LRRC4C: variants seen among roughly 807,000 people sequenced by gnomAD.
LRRC4C encodes leucine rich repeat containing 4C, also known as leucine-rich repeat-containing protein 4C.
Under a neutral mutation model 33.6 loss-of-function variants are expected in LRRC4C, and 5 were observed. The observed-to-expected ratio is 0.15, with a 90% CI of 0.08 to 0.31. LRRC4C has a LOEUF of 0.31. Ranked by LOEUF, LRRC4C falls within the 10% of genes least tolerant of loss-of-function variation. The pLI is 1.00. For synonymous variants in LRRC4C, 329 were observed against 302.0 expected (o/e 1.09, Z -0.93); for missense variants, 560 against 796.7 (o/e 0.70, Z 3.58).
At chr11:41,448,168 A>G (rs1207705866) in intron 1 of LRRC4C, among the ~76,000 whole-genome samples, 1 of 92,244 alleles carries the variant, frequency 1.1e-5, no homozygotes, top group Non-Finnish European at 2.4e-5. Context: ...CAGTGTCCAC[A>G]GTATTTCTGC....
intron 3 of LRRC4C, among the ~76,000 whole-genome samples, chr11:40,474,882 C>T (rs897457167): frequency 7.6e-5 from 10 of 131,186 alleles, no homozygotes; most frequent in South Asian, 2.5e-4. Context: ...TAGATAAATG[C>T]AAATCAAAAC....
intron 1 of LRRC4C, among the ~76,000 whole-genome samples, chr11:41,025,805 T>C (rs1372285686): frequency 6.6e-6 from 1 of 151,638 alleles, no homozygotes; most frequent in Non-Finnish European, 1.5e-5. Context: ...AAAAAGACAA[T>C]GTCTAGTTTC....
At chr11:40,773,058 A>G (rs1430658033) in intron 2 of LRRC4C, among the ~76,000 whole-genome samples, 1 of 152,194 alleles carries the variant, frequency 6.6e-6, no homozygotes, top group Non-Finnish European at 1.5e-5. Context: ...AATAACTTGG[A>G]TAGAACTGGA....
At position 40,559,360 on chromosome 11, in the gene LRRC4C, C is replaced by A. The variant is rs144264572; in HGVS notation, c.-270+88782G>T. 3.3e-3 allele frequency among the ~76,000 whole-genome samples: 496 copies of A among 151,898 alleles called. 1 individual carries two copies. Among genetic ancestry groups the A allele is most frequent in the Non-Finnish European group, 5.6e-3 (383 of 67,906 alleles). On this transcript the variant is annotated intron_variant, in intron 3 of 6. Transcript: ENST00000528697. ...CACCTCACCTGGCTAATTTTTTGTA[C>A]TTTTGGTAGAGACGGGGTTTTGCCA...
chr11:41,144,489 A>T (rs2135929412), intron 1 of LRRC4C, among the ~76,000 whole-genome samples: 1 of 152,302 alleles, frequency 6.6e-6, no homozygotes, highest in South Asian at 2.1e-4. Flanking sequence ...CTATCCCTAC[A>T]TCCCATGGAT....
chr11:41,352,893 A>C (rs1799728234), intron 1 of LRRC4C, among the ~76,000 whole-genome samples: 1 of 152,110 alleles, frequency 6.6e-6, no homozygotes, highest in African/African-American at 2.4e-5. Context: ...GAAAGTTTAT[A>C]GTGCTAAACT....
intron 2 of LRRC4C, among the ~76,000 whole-genome samples, chr11:40,772,825 T>C (rs11036070): frequency 0.05 from 7,627 of 152,230 alleles, 255 homozygotes; most frequent in African/African-American, 0.09. Flanking sequence ...AGTATTACCA[T>C]ATGATTCAGC....
intron 5 of LRRC4C, among the ~76,000 whole-genome samples, chr11:40,161,767 TA>T (rs1859178969): frequency 6.6e-6 from 1 of 151,994 alleles, no homozygotes; most frequent in Non-Finnish European, 1.5e-5. Context: ...CGAAAAAAAT[TA>T]AAAAGAAAAT....
At chr11:40,147,989 G>A (rs1857884576) in intron 5 of LRRC4C, among the ~76,000 whole-genome samples, 1 of 152,072 alleles carries the variant, frequency 6.6e-6, no homozygotes, top group Non-Finnish European at 1.5e-5. Flanking sequence ...GTAAGAACAT[G>A]CAATATTTGG....
At chr11:40,909,975 C>T (rs915737590) in intron 2 of LRRC4C, among the ~76,000 whole-genome samples, 2 of 152,042 alleles carry the variant, frequency 1.3e-5, no homozygotes, top group Admixed American at 1.3e-4. Context: ...TTTGTGCATT[C>T]CCTATTTTTC....
intron 1 of LRRC4C, among the ~76,000 whole-genome samples, chr11:41,317,820 A>G (rs1318153033): frequency 6.6e-6 from 1 of 152,138 alleles, no homozygotes; most frequent in East Asian, 1.9e-4. Context: ...ATGGTCATCT[A>G]TTGAAAGCTT....
chr11:40,262,590 C>T (rs1941936288), intron 4 of LRRC4C, among the ~76,000 whole-genome samples: 1 of 152,128 alleles, frequency 6.6e-6, no homozygotes, highest in Non-Finnish European at 1.5e-5. Context: ...CCAAAATGCC[C>T]ATCAATGATA....
intron 3 of LRRC4C, among the ~76,000 whole-genome samples, chr11:40,468,965 G>T (rs1033684314): frequency 1.7e-4 from 26 of 152,150 alleles, no homozygotes; most frequent in African/African-American, 6.3e-4. Context: ...TAAAGTATCT[G>T]TAAAATCTGT....
intron 1 of LRRC4C, among the ~76,000 whole-genome samples, chr11:41,280,471 A>T (rs1232492051): frequency 6.6e-6 from 1 of 152,222 alleles, no homozygotes; most frequent in African/African-American, 2.4e-5. Flanking sequence ...TGGCATTAAT[A>T]ATATAGTCAC....
chr11:41,067,052 A>T (rs1949445624), intron 1 of LRRC4C, among the ~76,000 whole-genome samples: 1 of 152,206 alleles, frequency 6.6e-6, no homozygotes, highest in East Asian at 1.9e-4. Context: ...ACAGGATCAA[A>T]TTCACACATA....
At chr11:41,127,275 T>C (rs1942788662) in intron 1 of LRRC4C, among the ~76,000 whole-genome samples, 1 of 151,648 alleles carries the variant, frequency 6.6e-6, no homozygotes, top group South Asian at 2.1e-4. Flanking sequence ...TTTTTAATTT[T>C]AGTATTGAAT....
chr11:41,197,772 A>G (rs1255594024), intron 1 of LRRC4C, among the ~76,000 whole-genome samples: 1 of 151,974 alleles, frequency 6.6e-6, no homozygotes, highest in East Asian at 1.9e-4. Context: ...AGGAAATAAC[A>G]TTGTCATTTT....
intron 1 of LRRC4C, among the ~76,000 whole-genome samples, chr11:41,215,155 A>C (rs1289428644): frequency 6.6e-6 from 1 of 151,442 alleles, no homozygotes; most frequent in Non-Finnish European, 1.5e-5. Flanking sequence ...ATAATCACCC[A>C]TATCTAATTT....
At chr11:40,809,444 C>A (rs1169214948) in intron 2 of LRRC4C, among the ~76,000 whole-genome samples, 1 of 152,088 alleles carries the variant, frequency 6.6e-6, no homozygotes, top group Non-Finnish European at 1.5e-5. Flanking sequence ...AAACTTTTTT[C>A]ACTGTAGTTT....
Sources: gnomAD v4.1 joint callset for allele counts (sites outside exome capture counted in the v4.1 genomes callset) on GRCh38, gnomAD v4.1.1 for gene constraint, MANE v1.5 for transcripts, NCBI Gene and HGNC (gene_info 2026-07-23, HGNC 2026-07-21) for gene names.